Variants in TBCK observed in about 807,000 individuals in gnomAD.
The protein encoded by TBCK is TBC domain-containing protein kinase-like protein.
TBCK carries 99 observed loss-of-function variants against 113.4 expected under a neutral mutation model. The ratio of observed to expected loss-of-function variants is 0.87; its 90% confidence interval spans 0.74 to 1.03. TBCK has a LOEUF of 1.03. Among genes scored for constraint, TBCK ranks in the 50% least tolerant of loss-of-function variants. TBCK has a pLI of 0.00. For missense variants in TBCK, 1,045 were observed against 1,061.3 expected (o/e 0.98, Z 0.21); for synonymous variants, 369 against 370.8 (o/e 1.00, Z 0.05).
At chr4:106,232,091 A>G (rs1758915398) in intron 17 of TBCK, among the ~76,000 whole-genome samples, 2 of 151,788 alleles carry the variant, frequency 1.3e-5, no homozygotes, top group Non-Finnish European at 3.0e-5. Context: ...TAAATGTACA[A>G]TCTTGGCAAT....
intron 23 of TBCK, among the ~76,000 whole-genome samples, chr4:106,164,062 T>C (rs1164110251): frequency 2.6e-5 from 4 of 152,110 alleles, no homozygotes; most frequent in Admixed American, 2.6e-4. Flanking sequence ...TTTCAAAAGA[T>C]ATGATTTTCT....
chr4:106,117,679 T>G (rs921799731), intron 23 of TBCK, among the ~76,000 whole-genome samples: 6 of 152,200 alleles, frequency 3.9e-5, no homozygotes, highest in African/African-American at 1.2e-4. Context: ...TGAGCACTAG[T>G]GATCTCTTGA....
intron 25 of TBCK, among the ~76,000 whole-genome samples, chr4:106,089,106 T>C (rs1303914465): frequency 6.6e-6 from 1 of 151,652 alleles, no homozygotes; most frequent in Non-Finnish European, 1.5e-5. Context: ...TTACAGGAAG[T>C]GTGGTACCAA....
intron 2 of TBCK, among the ~76,000 whole-genome samples, chr4:106,301,502 T>A (rs1766937567): frequency 6.6e-6 from 1 of 152,184 alleles, no homozygotes; most frequent in Non-Finnish European, 1.5e-5. Context: ...CTAAAGATAT[T>A]TTTCTCCTAT....
intron 20 of TBCK, among the ~76,000 whole-genome samples, chr4:106,203,090 T>A (rs1045919504): frequency 1.3e-5 from 2 of 151,970 alleles, no homozygotes; most frequent in African/African-American, 4.8e-5. Flanking sequence ...AACCAAGTTA[T>A]GAGCTCTGTC....
At chr4:106,160,956 C>A (rs1349528029) in intron 23 of TBCK, among the ~76,000 whole-genome samples, 1 of 151,620 alleles carries the variant, frequency 6.6e-6, no homozygotes, top group Non-Finnish European at 1.5e-5. Context: ...AAAAATCTGA[C>A]CAAAACTATA....
chr4:106,273,151 C>T (rs1307235265), intron 3 of TBCK, among the ~76,000 whole-genome samples: 1 of 152,114 alleles, frequency 6.6e-6, no homozygotes, highest in Non-Finnish European at 1.5e-5. Context: ...GAAAATTCAA[C>T]CCTTGGCTTT....
At chr4:106,308,106 G>A (rs1302609124) in intron 2 of TBCK, among the ~76,000 whole-genome samples, 1 of 152,146 alleles carries the variant, frequency 6.6e-6, no homozygotes, top group Non-Finnish European at 1.5e-5. Context: ...AAAGAAATAT[G>A]TTTAAGAATA....
intron 25 of TBCK, among the ~76,000 whole-genome samples, chr4:106,065,729 A>G (rs1736567420): frequency 2.0e-5 from 3 of 152,026 alleles, no homozygotes; most frequent in Admixed American, 6.6e-5. Context: ...ACTATACTTG[A>G]TTATACTATA....
At chr4:106,122,739 G>A (rs987253157) in intron 23 of TBCK, among the ~76,000 whole-genome samples, 1 of 152,074 alleles carries the variant, frequency 6.6e-6, no homozygotes, top group Admixed American at 6.5e-5. Context: ...ATCAATAAAT[G>A]TAATCCAGCA....
intron 12 of TBCK, among the ~76,000 whole-genome samples, chr4:106,241,807 A>G (rs929748585): frequency 3.3e-5 from 5 of 152,132 alleles, no homozygotes; most frequent in Admixed American, 2.0e-4. Flanking sequence ...ATTATAAAAC[A>G]TACTTATAAC....
At chr4:106,230,319 A>C (rs1758718345) in intron 19 of TBCK, 44 bp downstream of exon 19, 2 of 1,303,548 alleles carry the variant, frequency 1.5e-6, no homozygotes, top group East Asian at 2.4e-5. Flanking sequence ...ACACCAGTAC[A>C]TCAGTAGTTT....
intron 23 of TBCK, among the ~76,000 whole-genome samples, chr4:106,130,767 CTTG>C (rs1446628374): frequency 2.0e-5 from 3 of 152,212 alleles, no homozygotes; most frequent in Non-Finnish European, 4.4e-5. Flanking sequence ...AAATATGCAA[CTTG>C]TTTTCAATCA....
chr4:106,123,701 T>A (rs1387522351), intron 23 of TBCK, among the ~76,000 whole-genome samples: 1 of 151,978 alleles, frequency 6.6e-6, no homozygotes, highest in African/African-American at 2.4e-5. Context: ...ACGTCGCATA[T>A]CTACAACTAC....
chr4:106,244,117 A>C (rs1212699316), intron 11 of TBCK, among the ~76,000 whole-genome samples: 1 of 152,132 alleles, frequency 6.6e-6, no homozygotes, highest in Non-Finnish European at 1.5e-5. Context: ...TTCCAGTCTA[A>C]TTTCTAGCAT....
At chr4:106,271,751 CAAA>C (rs749925685) in intron 3 of TBCK, among the ~76,000 whole-genome samples, 3 of 77,934 alleles carry the variant, frequency 3.8e-5, no homozygotes, top group African/African-American at 5.0e-5. Context: ...GACTTTGTCC[CAAA>C]AAAAAAAAAA....
chr4:106,199,962 A>G (rs968043597), intron 20 of TBCK, among the ~76,000 whole-genome samples: 7 of 152,204 alleles, frequency 4.6e-5, no homozygotes, highest in African/African-American at 1.2e-4. Flanking sequence ...TCTGCTCAAA[A>G]GCATCAGTGG....
At chr4:106,231,105 C>G (rs1230967261) in intron 18 of TBCK, among the ~76,000 whole-genome samples, 1 of 151,516 alleles carries the variant, frequency 6.6e-6, no homozygotes, top group East Asian at 1.9e-4. Flanking sequence ...GATAAGGCAT[C>G]TAGACATTCA....
rs1262402307 is a variant in TBCK, at chr4:106,046,444, G to A, written c.*126C>T. 2.5e-5 allele frequency: 14 copies of A among 568,064 alleles called. No homozygotes were observed. In the East Asian group the frequency reaches 2.9e-4, roughly 12 times the overall value. 35.2% of individuals were successfully genotyped at this position (568,064 alleles called of 1,614,324 possible). On this transcript the variant is annotated 3_prime_UTR_variant, in exon 26 of 26. Coordinates refer to ENST00000394708, the MANE Select transcript of TBCK (RefSeq NM_001163435.3). ...GTTATGAGATTTTAAAAAATGTCTC[G>A]TGACAAACTTTACGGAAATGCAACA...
Sources: allele counts gnomAD v4.1 joint callset (sites outside exome capture counted in the v4.1 genomes callset), GRCh38; gene constraint gnomAD v4.1.1; transcripts MANE v1.5; gene names NCBI Gene and HGNC (gene_info 2026-07-23, HGNC 2026-07-21).